TRHDE: variants seen among roughly 807,000 people sequenced by gnomAD.
TRHDE encodes thyrotropin-releasing hormone-degrading ectoenzyme.
TRHDE carries 72 observed loss-of-function variants against 125.7 expected under a neutral mutation model. The observed-to-expected ratio is 0.57, with a 90% CI of 0.47 to 0.70. TRHDE has a LOEUF of 0.70. Among genes scored for constraint, TRHDE ranks in the 30% least tolerant of loss-of-function variants. The probability of loss-of-function intolerance (pLI) is 0.00; values close to 1 mark genes in which losing one functional copy is unlikely to be tolerated. For missense variants in TRHDE, 1,110 were observed against 1,327.1 expected, an observed-to-expected ratio of 0.84 and a Z score of 2.54; for synonymous variants, 509 against 509.1, an observed-to-expected ratio of 1.00 and a Z score of 0.00.
intron 2 of TRHDE, among the ~76,000 whole-genome samples, chr12:72,248,983 A>G (rs1305237658): frequency 6.6e-6 from 1 of 152,186 alleles, no homozygotes; most frequent in African/African-American, 2.4e-5. Context: ...AATAAGTTTC[A>G]TATTAATGGA....
Position 72,286,811 on chromosome 12 carries a change from A to G in TRHDE, c.1045A>G (p.Met349Val). ...HQATYLSLSN[M>V]PVETSVFEED... is the part of the protein sequence containing the mutation. ...AGCAACCTATTTATCTTTATCTAAT[A>G]TGCCAGTGGAAACTTCCGTGTTTGA... Residue 349 changes from methionine to valine, a missense_variant, in exon 2 of 19, where the codon ATG becomes GTG. Met to Val is a conservative substitution (Grantham distance 21). Transcript: ENST00000261180. 6.2e-7 allele frequency: 1 copy of G among 1,613,914 alleles called. No individual in the cohort carries two copies. The highest frequency in any genetic ancestry group is 8.5e-7 in the Non-Finnish European group (1 of 1,179,966).
intron 5 of TRHDE, among the ~76,000 whole-genome samples, chr12:72,474,861 G>GA (rs896811116): frequency 5.4e-5 from 8 of 149,392 alleles, no homozygotes; most frequent in African/African-American, 1.7e-4. Flanking sequence ...CTCCTGCTGA[G>GA]AAAAAAAAAT....
rs918779007 is a variant in TRHDE at position 72,194,349 on chromosome 12, C to T, written n.279+88597C>T. 5.9e-5 allele frequency among the ~76,000 whole-genome samples: 9 copies of T among 152,192 alleles called. No homozygotes were observed. The East Asian group carries it at 1.7e-3, about 29-fold the overall frequency. ...AAGACCTCTCATTTGTACTATTGCA[C>T]CAGCCTTCTTATGGAGGTCCTTGTT... is the stretch of plus-strand genomic sequence containing the variant. On this transcript the variant is annotated intron_variant and non_coding_transcript_variant, in intron 2 of 4. Transcript: ENST00000548156.
chr12:72,318,243 A>G (rs1159568944), intron 2 of TRHDE, among the ~76,000 whole-genome samples: 2 of 152,114 alleles, frequency 1.3e-5, no homozygotes, highest in East Asian at 1.9e-4. Flanking sequence ...TTTTGTGGAG[A>G]GTCCAAAGAA....
rs114780382 is a variant in TRHDE at position 72,390,744 on chromosome 12, A to G, written c.1315+12623A>G. ...TGATTATCATTTCTAAGGATTAGGA[A>G]CTCTAAGTGGTTATTATAATCAGGA... On this transcript the variant is annotated intron_variant, in intron 3 of 18. Coordinates refer to ENST00000261180, the MANE Select transcript of TRHDE (RefSeq NM_013381.3). Among the ~76,000 whole-genome samples the G allele has an allele frequency of 4.8e-3, 734 of 152,168 alleles. 6 individuals carry two copies. The highest frequency in any genetic ancestry group is 0.017 in the African/African-American group (694 of 41,528).
intron 2 of TRHDE, among the ~76,000 whole-genome samples, chr12:72,314,281 T>TC (rs145565426): frequency 2.4e-5 from 2 of 84,642 alleles, no homozygotes; most frequent in Admixed American, 1.3e-4. Flanking sequence ...TCTTTCTCTT[T>TC]TCTTTTCTTT....
Position 72,377,997 on chromosome 12 carries a change from A to G in TRHDE, c.1191A>G (p.Val397=), listed in dbSNP as rs1299885495. Residue 397 remains valine, a splice_region_variant and synonymous_variant, in exon 3 of 19, where the codon GTA becomes GTG. Transcript: ENST00000261180. ...CTTTTATATATATTTTTAATTAGGT[A>G]CGATTATATGCAAGACCTGATGCTA... ...RETTTKSGVV[V]RLYARPDAIR... is the part of the protein sequence containing the mutation. 8 of 1,574,130 alleles carry G rather than the reference A, an allele frequency of 5.1e-6. No homozygotes were observed. Among genetic ancestry groups the G allele is most frequent in the Non-Finnish European group, 6.9e-6 (8 of 1,165,436 alleles).
chr12:72,294,880 G>A (rs1565687380), intron 2 of TRHDE, among the ~76,000 whole-genome samples: 1 of 151,956 alleles, frequency 6.6e-6, no homozygotes, highest in Non-Finnish European at 1.5e-5. Context: ...GAGCTGGAGT[G>A]TCAACACTGC....
At chr12:72,184,535 T>C (rs550703358) in intron 2 of TRHDE, among the ~76,000 whole-genome samples, 1 of 152,296 alleles carries the variant, frequency 6.6e-6, no homozygotes, top group Admixed American at 6.5e-5. Flanking sequence ...TTCTCTCTTA[T>C]AGTATGGAAA....
intron 2 of TRHDE, among the ~76,000 whole-genome samples, chr12:72,200,377 A>T (rs561272406): frequency 6.6e-6 from 1 of 152,226 alleles, no homozygotes; most frequent in African/African-American, 2.4e-5. Flanking sequence ...CGTGAAGTCT[A>T]TCATAAGAGG....
chr12:72,528,704 G>A (rs1868394671), intron 6 of TRHDE, among the ~76,000 whole-genome samples: 1 of 151,878 alleles, frequency 6.6e-6, no homozygotes, highest in Non-Finnish European at 1.5e-5. Flanking sequence ...GTTCAGGCTG[G>A]TCTCGAACTC....
In TRHDE at chr12:72,668,262, TAAGGA is replaced by T. The variant is rs1222471149; in HGVS notation, c.*5071_*5075del. The T allele has an allele frequency of 1.3e-5, 2 of 151,692 alleles. No individual in the cohort carries two copies. The highest frequency in any genetic ancestry group is 4.8e-5 in the African/African-American group (2 of 41,426). 9.4% of individuals were successfully genotyped at this position (151,692 alleles called of 1,614,324 possible). A position where few individuals can be genotyped will look rare whatever the true frequency, so the allele number is the denominator to read the frequency against. ...GTGAAATTTTATTTTAAAGTTTAGGTAAGGAAAGTTTTTAAACTGTCTTAAATATT... is the reference window on the plus strand; with the variant it reads ...GTGAAATTTTATTTTAAAGTTTAGGTAAGTTTTTAAACTGTCTTAAATATT... On this transcript the variant is annotated 3_prime_UTR_variant, in exon 19 of 19. Coordinates refer to ENST00000261180, the MANE Select transcript of TRHDE (RefSeq NM_013381.3).
In TRHDE at chr12:72,272,982, C is replaced by A; in HGVS notation, c.339C>A (p.Cys113Ter). 6.4e-7 allele frequency: 1 copy of A among 1,556,238 alleles called. No individual in the cohort carries two copies. The highest frequency in any genetic ancestry group is 8.6e-7 in the Non-Finnish European group (1 of 1,157,500). The change falls in exon 1 of 19, where the codon TGC becomes TGA. Residue 113 changes from cysteine to a stop codon, truncating the protein, a stop_gained. Coordinates refer to ENST00000261180, the MANE Select transcript of TRHDE (RefSeq NM_013381.3). LOFTEE classifies it high-confidence loss of function. This position sits in a 1 kb window ranked among gnomAD's most constrained non-coding sequence, Gnocchi z 6.7. Reference sequence around the variant, plus strand: ...TGCTCAGCCTGCGCTTCGACGAGTGCGGGGCGAGTGCCACGCCAGGCGCCG... The same window carrying A: ...TGCTCAGCCTGCGCTTCGACGAGTGAGGGGCGAGTGCCACGCCAGGCGCCG... The part of the protein sequence containing the change: ...AVLLSLRFDE[C>*]GASATPGADG...
intron 6 of TRHDE, among the ~76,000 whole-genome samples, chr12:72,520,434 C>G (rs541557191): frequency 3.9e-5 from 6 of 152,282 alleles, no homozygotes; most frequent in Admixed American, 3.3e-4. Flanking sequence ...CTTTCTTTGA[C>G]TAGGAAAGGG....
At chr12:72,238,307 TATATATATATATATAC>T (rs1427390817) in intron 2 of TRHDE, among the ~76,000 whole-genome samples, 423 of 33,504 alleles carry the variant, frequency 0.013, 49 homozygotes, top group Admixed American at 0.019. Context: ...TATATATATA[TATATATATATATATAC>T]ATATATATAT....
chr12:72,091,015 G>T (rs924975789), intron 1 of TRHDE, among the ~76,000 whole-genome samples: 1 of 152,036 alleles, frequency 6.6e-6, no homozygotes, highest in African/African-American at 2.4e-5. Flanking sequence ...AACTAGAGGC[G>T]TGCACCACCA....
intron 2 of TRHDE, among the ~76,000 whole-genome samples, chr12:72,321,458 A>C (rs1392240735): frequency 6.6e-6 from 1 of 152,200 alleles, no homozygotes; most frequent in African/African-American, 2.4e-5. Context: ...GGAAAACCAA[A>C]CATGATATTT....
At chr12:72,172,874 A>C (rs184017478) in intron 2 of TRHDE, among the ~76,000 whole-genome samples, 58 of 152,338 alleles carry the variant, frequency 3.8e-4, no homozygotes, top group Admixed American at 9.2e-4. Context: ...GGTTTTACTC[A>C]ACATTTTTCA....
chr12:72,315,099 T>C (rs1868734813), intron 2 of TRHDE, among the ~76,000 whole-genome samples: 1 of 152,220 alleles, frequency 6.6e-6, no homozygotes, highest in Admixed American at 6.5e-5. Flanking sequence ...TTTTAACCCT[T>C]AGCTTTTTAA....
Sources: allele counts gnomAD v4.1 joint callset (sites outside exome capture counted in the v4.1 genomes callset), GRCh38; gene constraint gnomAD v4.1.1; non-coding constraint Gnocchi (gnomAD v3.1); transcripts MANE v1.5; gene names NCBI Gene and HGNC (gene_info 2026-07-23, HGNC 2026-07-21).